GNAO1: variants seen among roughly 807,000 people sequenced by gnomAD.
GNAO1 encodes guanine nucleotide-binding protein G(o) subunit alpha.
For synonymous variants in GNAO1, 164 were observed against 180.7 expected, an observed-to-expected ratio of 0.91 and a Z score of 0.74; for missense variants, 166 against 478.7, an observed-to-expected ratio of 0.35 and a Z score of 6.10.
rs147579116 is a variant in GNAO1, at chr16:56,193,064, T to C, written c.161+448T>C. 1.7e-3 allele frequency: 278 copies of C among 162,722 alleles called. 2 individuals carry two copies. The highest frequency in any genetic ancestry group is 5.8e-3 in the African/African-American group (244 of 41,784). The allele number at this position is 162,722 out of a possible 1,614,324, so 10.1% of individuals were successfully genotyped here. ...TCCGTAATCCCACTTCCCCCTGCTC[T>C]TTTCCTGGGGCAGTGATTTTGAACT... On this transcript the variant is annotated intron_variant, in intron 2 of 8. Coordinates refer to ENST00000262493, the MANE Select transcript of GNAO1 (RefSeq NM_020988.3).
rs1216071835 is a variant in GNAO1, at chr16:56,346,807, ATTC to A, written c.724-4574_724-4572del. ...TGGTCTGCACTGGTCTTCTCTGAGT[ATTC>A]TTAGGAGCAGAGGCAGCCCCAAGTT... On this transcript the variant is annotated intron_variant, in intron 6 of 8. Coordinates refer to ENST00000262493, the MANE Select transcript of GNAO1 (RefSeq NM_020988.3). 28 of 985,408 alleles carry A rather than the reference ATTC, an allele frequency of 2.8e-5. No homozygotes were observed. The East Asian group carries it at 3.2e-3, about 112-fold the overall frequency. 61.0% of individuals were successfully genotyped at this position (985,408 alleles called of 1,614,324 possible).
intron 2 of GNAO1, among the ~76,000 whole-genome samples, chr16:56,234,610 G>A (rs1382600677): frequency 3.9e-5 from 6 of 152,176 alleles, no homozygotes; most frequent in Non-Finnish European, 8.8e-5. Context: ...CAGTTCTGCA[G>A]CTTCCATTTT....
chr16:56,350,625 G>A (rs1409864710), intron 6 of GNAO1, among the ~76,000 whole-genome samples: 1 of 152,172 alleles, frequency 6.6e-6, no homozygotes, highest in African/African-American at 2.4e-5. Context: ...AGTGTCAGAT[G>A]CAGCTGAGTA....
chr16:56,282,205 T>G (rs1389137805), intron 3 of GNAO1, among the ~76,000 whole-genome samples: 1 of 152,204 alleles, frequency 6.6e-6, no homozygotes, highest in Admixed American at 6.5e-5. Flanking sequence ...GGGTAAATTA[T>G]GTAACCTCTC....
At chr16:56,246,919 C>T (rs1307994489) in intron 2 of GNAO1, among the ~76,000 whole-genome samples, 2 of 152,220 alleles carry the variant, frequency 1.3e-5, no homozygotes, top group Non-Finnish European at 2.9e-5. Flanking sequence ...TTATGTAATG[C>T]CTTGTACATG....
intron 3 of GNAO1, among the ~76,000 whole-genome samples, chr16:56,310,451 A>C (rs1264837739): frequency 6.6e-6 from 1 of 152,242 alleles, no homozygotes; most frequent in African/African-American, 2.4e-5. Context: ...AACAAAAATT[A>C]TGCGAGTAAC....
intron 6 of GNAO1, chr16:56,344,145 C>T (rs1003899698): frequency 1.8e-5 from 26 of 1,439,548 alleles, no homozygotes; most frequent in Non-Finnish European, 2.0e-5. Flanking sequence ...AGGGGCGGGG[C>T]GGGGCTGCTG....
chr16:56,345,127 A>G (rs1267041944), intron 6 of GNAO1: 2 of 985,670 alleles, frequency 2.0e-6, no homozygotes, highest in Non-Finnish European at 2.4e-6. Context: ...ATCCCTGAGC[A>G]GAAGGGGGCG....
chr16:56,346,889 A>G, intron 6 of GNAO1: 1 of 985,476 alleles, frequency 1.0e-6, no homozygotes, highest in Non-Finnish European at 1.2e-6. Context: ...AGGGAAGGCC[A>G]AGGGATGGTC....
chr16:56,210,306 A>G (rs2037467978), intron 2 of GNAO1, among the ~76,000 whole-genome samples: 1 of 152,248 alleles, frequency 6.6e-6, no homozygotes, highest in Non-Finnish European at 1.5e-5. Flanking sequence ...TTGTTTATCC[A>G]TGCACCTACT....
chr16:56,290,876 T>C (rs1431040132), intron 3 of GNAO1, among the ~76,000 whole-genome samples: 1 of 152,250 alleles, frequency 6.6e-6, no homozygotes, highest in Non-Finnish European at 1.5e-5. Flanking sequence ...CTGGACATTT[T>C]ATATAAATGG....
intron 3 of GNAO1, among the ~76,000 whole-genome samples, chr16:56,316,742 G>A (rs1028340611): frequency 5.9e-5 from 9 of 152,192 alleles, no homozygotes; most frequent in South Asian, 2.1e-4. Context: ...CTGCAGGCAC[G>A]GGCAGGGCAG....
At chr16:56,271,119 G>A (rs2037013216) in intron 2 of GNAO1, 1 of 152,262 alleles carries the variant, frequency 6.6e-6, no homozygotes, top group Non-Finnish European at 1.5e-5. Context: ...AGATACAACA[G>A]GGTGAGTTCC....
chr16:56,294,132 A>C (rs2037259607), intron 3 of GNAO1, among the ~76,000 whole-genome samples: 1 of 152,130 alleles, frequency 6.6e-6, no homozygotes, highest in African/African-American at 2.4e-5. Context: ...CCTGACTCCT[A>C]CCTAGGCCAG....
chr16:56,241,778 C>T (rs1186159543), intron 2 of GNAO1, among the ~76,000 whole-genome samples: 1 of 152,204 alleles, frequency 6.6e-6, no homozygotes, highest in Non-Finnish European at 1.5e-5. Flanking sequence ...AGTGTCCCTT[C>T]GTGACAAGGC....
intron 2 of GNAO1, among the ~76,000 whole-genome samples, chr16:56,207,948 A>T (rs1471308766): frequency 6.6e-6 from 1 of 152,198 alleles, no homozygotes; most frequent in Non-Finnish European, 1.5e-5. Flanking sequence ...GAATGTCCCT[A>T]AATATCCCTT....
chr16:56,282,728 G>A (rs1019024220), intron 3 of GNAO1, among the ~76,000 whole-genome samples: 2 of 152,246 alleles, frequency 1.3e-5, no homozygotes, highest in Non-Finnish European at 2.9e-5. Flanking sequence ...AGGCAAAACC[G>A]TAAACCTATA....
intron 2 of GNAO1, among the ~76,000 whole-genome samples, chr16:56,234,471 G>A (rs2036618770): frequency 6.6e-6 from 1 of 152,246 alleles, no homozygotes; most frequent in Non-Finnish European, 1.5e-5. Flanking sequence ...TGGAAAGAGG[G>A]TTTAGCTGTG....
intron 2 of GNAO1, among the ~76,000 whole-genome samples, chr16:56,216,674 A>G (rs1290722372): frequency 3.3e-5 from 5 of 152,252 alleles, no homozygotes; most frequent in Non-Finnish European, 1.5e-5. Flanking sequence ...AAAGTCTCAC[A>G]GGACTGTAAA....
Sources: gnomAD v4.1 joint callset for allele counts (sites outside exome capture counted in the v4.1 genomes callset) on GRCh38, gnomAD v4.1.1 for gene constraint, MANE v1.5 for transcripts, NCBI Gene and HGNC (gene_info 2026-07-23, HGNC 2026-07-21) for gene names.